Variants in ALDH7A1 observed in about 807,000 individuals in gnomAD.
ALDH7A1 encodes aldehyde dehydrogenase 7 family member A1, also known as alpha-aminoadipic semialdehyde dehydrogenase.
ALDH7A1 carries 63 observed loss-of-function variants against 79.9 expected under a neutral mutation model. The observed-to-expected ratio is 0.79, with a 90% CI of 0.64 to 0.97. The LOEUF (loss-of-function observed/expected upper bound fraction) is 0.97. Ranked by LOEUF, ALDH7A1 falls within the 50% of genes least tolerant of loss-of-function variation. The probability of loss-of-function intolerance (pLI) is 0.00; values close to 1 mark genes in which losing one functional copy is unlikely to be tolerated. For synonymous variants in ALDH7A1, 240 were observed against 231.2 expected (o/e 1.04, Z -0.34); for missense variants, 627 against 665.2 (o/e 0.94, Z 0.63).
chr5:126,546,631 A>G (rs1396423889), intron 16 of ALDH7A1, among the ~76,000 whole-genome samples: 1 of 147,160 alleles, frequency 6.8e-6, no homozygotes, highest in Non-Finnish European at 1.5e-5. Flanking sequence ...TTAAGAAGAA[A>G]TGGAAACAGA....
At chr5:126,546,259 A>G (rs1420428848) in intron 17 of ALDH7A1, 65 bp downstream of exon 17, 4 of 1,407,770 alleles carry the variant, frequency 2.8e-6, no homozygotes, top group South Asian at 1.2e-5. Flanking sequence ...AGACAGTAGG[A>G]AAGTGTAAAA....
chr5:126,591,899 GCC>G (rs1286103022), intron 3 of ALDH7A1: 1 of 152,768 alleles, frequency 6.5e-6, no homozygotes, highest in Admixed American at 6.6e-5. Flanking sequence ...TGAGCCTCTG[GCC>G]CTGAGAAAGG....
intron 6 of ALDH7A1, among the ~76,000 whole-genome samples, chr5:126,575,954 C>A (rs1750950005): frequency 6.6e-6 from 1 of 152,218 alleles, no homozygotes; most frequent in East Asian, 1.9e-4. Context: ...AATATCAATG[C>A]CCTGCAGGCT....
In ALDH7A1 at chr5:126,595,208, G is replaced by C. The variant is rs1395857338; in HGVS notation, c.-10C>G. On this transcript the variant is annotated 5_prime_UTR_variant, in exon 1 of 18. Transcript: ENST00000409134. Reference sequence around the variant, plus strand: ...GAGGAAGGCGCCACATACTGAGCCCGGGACTCGGGATGAGCCCAAGGCCCT... The same window carrying C: ...GAGGAAGGCGCCACATACTGAGCCCCGGACTCGGGATGAGCCCAAGGCCCT... 1 of 1,551,780 alleles carries C rather than the reference G, an allele frequency of 6.4e-7. No homozygotes were observed. The highest frequency in any genetic ancestry group is 8.7e-7 in the Non-Finnish European group (1 of 1,147,024).
rs989818285 is a variant in ALDH7A1, at chr5:126,542,196, A to G, written c.*2769T>C. 1.3e-5 allele frequency: 2 copies of G among 152,158 alleles called. No individual in the cohort carries two copies. The highest frequency in any genetic ancestry group is 2.9e-5 in the Non-Finnish European group (2 of 68,042). 9.4% of individuals were successfully genotyped at this position (152,158 alleles called of 1,614,324 possible). On this transcript the variant is annotated 3_prime_UTR_variant, in exon 18 of 18. Coordinates refer to ENST00000409134, the MANE Select transcript of ALDH7A1 (RefSeq NM_001182.5). ...GTTGGAGACCATAGGAATTTCATAAAAATATTGAAACTGAAAACACTTAAA... is the reference window on the plus strand; with the variant it reads ...GTTGGAGACCATAGGAATTTCATAAGAATATTGAAACTGAAAACACTTAAA...
At chr5:126,565,541 T>A (rs1485592816) in intron 9 of ALDH7A1, among the ~76,000 whole-genome samples, 1 of 152,214 alleles carries the variant, frequency 6.6e-6, no homozygotes, top group African/African-American at 2.4e-5. Context: ...ACAAACATTT[T>A]CTGCCATTCG....
At chr5:126,564,169 T>C (rs1037878880) in intron 9 of ALDH7A1, among the ~76,000 whole-genome samples, 4 of 152,136 alleles carry the variant, frequency 2.6e-5, no homozygotes, top group Non-Finnish European at 5.9e-5. Context: ...TATGTTTATT[T>C]ATTTTTGAGA....
intron 3 of ALDH7A1, among the ~76,000 whole-genome samples, chr5:126,584,659 CAAA>C (rs35736560): frequency 4.2e-4 from 26 of 62,234 alleles, no homozygotes; most frequent in African/African-American, 9.7e-4. Flanking sequence ...CACTCCATCT[CAAA>C]AAAAAAAAAA....
chr5:126,551,066 A>G lies in ALDH7A1; in HGVS notation c.1318-773T>C, dbSNP rs548041091. ...CACCTCAGCCTCCCGAGTAGCTAGGACTATAGGTACATACAACACCTGGCT... is the reference window on the plus strand; with the variant it reads ...CACCTCAGCCTCCCGAGTAGCTAGGGCTATAGGTACATACAACACCTGGCT... On this transcript the variant is annotated intron_variant, in intron 14 of 17. Coordinates refer to ENST00000409134, the MANE Select transcript of ALDH7A1 (RefSeq NM_001182.5). Among the ~76,000 whole-genome samples, 5 of 152,292 alleles carry G rather than the reference A, an allele frequency of 3.3e-5. No individual in the cohort carries two copies. In the South Asian group the frequency reaches 8.3e-4, roughly 25 times the overall value.
intron 10 of ALDH7A1, 53 bp from the exon 11 acceptor site, chr5:126,559,387 A>T: frequency 1.7e-6 from 2 of 1,203,996 alleles, no homozygotes; most frequent in Non-Finnish European, 2.4e-6. Flanking sequence ...TAGACAAGGT[A>T]TTTGTTAGCT....
chr5:126,550,339 G>T, intron 14 of ALDH7A1, 46 bp from the exon 15 acceptor site: 3 of 1,425,182 alleles, frequency 2.1e-6, no homozygotes, highest in Non-Finnish European at 3.0e-6. Flanking sequence ...TAGTGTTCAA[G>T]TCAAAGTTCA....
At chr5:126,593,619 G>T (rs1338592245) in intron 1 of ALDH7A1, 14 of 663,254 alleles carry the variant, frequency 2.1e-5, no homozygotes, top group Non-Finnish European at 2.8e-5. Flanking sequence ...TGCAAAACTC[G>T]CCTCTGACAT....
intron 9 of ALDH7A1, among the ~76,000 whole-genome samples, chr5:126,563,754 G>A (rs1750478432): frequency 6.6e-6 from 1 of 152,042 alleles, no homozygotes; most frequent in Non-Finnish European, 1.5e-5. Flanking sequence ...GCCTCCCAAA[G>A]TGCTGGGATT....
Position 126,550,240 on chromosome 5 carries a change from A to G in ALDH7A1, c.1371T>C (p.Ser457=). Residue 457 remains serine (S), a synonymous_variant, in exon 15 of 18, where the codon AGT becomes AGC. Transcript: ENST00000409134. ...TGCCCAGATCTTTGGTAAAGATGCT[A>G]CTTGAAAGTCCCTGTTTTACTTCAT... ...WNNEVKQGLS[S]SIFTKDLGRI... The G allele has an allele frequency of 1.9e-6, 3 of 1,613,624 alleles. No homozygotes were observed. Among genetic ancestry groups the G allele is most frequent in the South Asian group, 1.1e-5 (1 of 91,056 alleles).
chr5:126,565,954 A>G (rs192502843), intron 9 of ALDH7A1, among the ~76,000 whole-genome samples: 127 of 152,306 alleles, frequency 8.3e-4, no homozygotes, highest in African/African-American at 3.0e-3. Context: ...GTCTATCCTT[A>G]TGCTGGTGCC....
intron 16 of ALDH7A1, 64 bp downstream of exon 16, chr5:126,549,864 TA>T: frequency 6.8e-7 from 1 of 1,462,186 alleles, no homozygotes; most frequent in East Asian, 2.3e-5. Context: ...CAGCCTTTTC[TA>T]AAAGCTACTA....
intron 9 of ALDH7A1, among the ~76,000 whole-genome samples, chr5:126,564,836 A>G (rs1452795571): frequency 6.6e-6 from 1 of 152,194 alleles, no homozygotes; most frequent in Non-Finnish European, 1.5e-5. Context: ...GGAGGGATCT[A>G]TACTTTCTAC....
intron 5 of ALDH7A1, chr5:126,581,280 C>T (rs1210617343): frequency 1.3e-5 from 2 of 152,122 alleles, no homozygotes; most frequent in African/African-American, 2.4e-5. Context: ...ATTATAGTCT[C>T]TTTATAACAA....
At chr5:126,594,981 C>T (rs375654178) in intron 1 of ALDH7A1, 26 bp downstream of exon 1, 243 of 1,571,388 alleles carry the variant, frequency 1.5e-4, no homozygotes, top group Non-Finnish European at 2.0e-4. Flanking sequence ...CCGGCGGCTG[C>T]AGAGATTTCT....
Sources: allele counts gnomAD v4.1 joint callset (sites outside exome capture counted in the v4.1 genomes callset), GRCh38; gene constraint gnomAD v4.1.1; transcripts MANE v1.5; gene names NCBI Gene and HGNC (gene_info 2026-07-23, HGNC 2026-07-21).